The following HCAR2 variants were observed in gnomAD, a reference collection of about 807,000 sequenced individuals.
HCAR2 encodes the protein hydroxycarboxylic acid receptor 2.
For missense variants in HCAR2, 346 were observed against 476.6 expected (o/e 0.73, Z 2.55); for synonymous variants, 156 against 189.4 (o/e 0.82, Z 1.45).
At position 122,702,560 on chromosome 12, in the gene HCAR2, T is replaced by C. The variant is rs1284981613; in HGVS notation, c.724A>G (p.Ile242Val). The change falls in exon 1 of 1, where the codon ATC becomes GTC. Residue 242 changes from isoleucine (I) to valine (V), a missense_variant. Ile to Val is a conservative substitution (Grantham distance 29). Transcript: ENST00000328880. Reference protein sequence around the residue: ...FIMVVAIVFVICFLPSVVVRI... With the variant: ...FIMVVAIVFVVCFLPSVVVRI... The stretch of plus-strand genomic sequence containing the variant: ...ACAACCACGCTGGGAAGGAAGCAGA[T>C]GACAAAGACGATGGCCACCACCATG... The C allele has an allele frequency of 1.9e-6, 3 of 1,614,188 alleles. No individual in the cohort carries two copies. Among genetic ancestry groups the C allele is most frequent in the Admixed American group, 1.7e-5 (1 of 60,012 alleles).
Position 122,701,631 on chromosome 12 carries a change from C to A in HCAR2, c.*561G>T, listed in dbSNP as rs555718018. ...CCGGAAACACAGATATTAACCAAAG[C>A]GTGTGAGTCTCTTCCCTGAGTCCAT... On this transcript the variant is annotated 3_prime_UTR_variant, in exon 1 of 1. Coordinates refer to ENST00000328880, the MANE Select transcript of HCAR2 (RefSeq NM_177551.4). 35 of 168,676 alleles carry A rather than the reference C, an allele frequency of 2.1e-4. No homozygotes were observed. In the South Asian group the frequency reaches 3.6e-3, roughly 17 times the overall value. 10.4% of individuals were successfully genotyped at this position (168,676 alleles called of 1,614,324 possible).
chr12:122,702,322 G>C lies in HCAR2; in HGVS notation c.962C>G (p.Pro321Arg). 1 of 1,614,166 alleles carries C rather than the reference G, an allele frequency of 6.2e-7. No homozygotes were observed. The highest frequency in any genetic ancestry group is 8.5e-7 in the Non-Finnish European group (1 of 1,180,014). Residue 321 changes from proline to arginine, a missense_variant, in exon 1 of 1, where the codon CCA (proline) becomes CGA (arginine). Pro to Arg is a moderately radical substitution (Grantham distance 103, BLOSUM62 -2). Coordinates refer to ENST00000328880, the MANE Select transcript of HCAR2 (RefSeq NM_177551.4). Reference protein sequence around the residue: ...RCLQRKMTGEPDNNRSTSVEL... With the variant: ...RCLQRKMTGERDNNRSTSVEL... ...GACGCTCGTGCTGCGGTTATTATCT[G>C]GCTCACCTGTCATCTTCCTCTGGAG...
At position 122,702,426 on chromosome 12, in the gene HCAR2, G is replaced by C; in HGVS notation, c.858C>G (p.Asn286Lys). 2 of 1,614,154 alleles carry C rather than the reference G, an allele frequency of 1.2e-6. No homozygotes were observed. The highest frequency in any genetic ancestry group is 1.7e-6 in the Non-Finnish European group (2 of 1,180,008). The change falls in exon 1 of 1, where the codon AAC (asparagine) becomes AAG (lysine). Residue 286 changes from asparagine (N) to lysine (K), a missense_variant. Physicochemically the swap from Asn to Lys is moderately conservative, Grantham distance 94. Transcript: ENST00000328880. ...FFITLSFTYMNSMLDPVVYYF... is the reference protein window; with the variant it reads ...FFITLSFTYMKSMLDPVVYYF... ...AGTACACCACGGGGTCCAGCATGCT[G>C]TTCATGTAGGTGAAGCTGAGAGTGA...
rs776282008 is a variant in HCAR2 at position 122,703,035 on chromosome 12, C to A, written c.249G>T (p.Leu83=). ...CCCAACGCCTCACATAGTTGTCCAT[C>A]AGGAAGGGCAGGCAGATGATCAGTA... is the stretch of plus-strand genomic sequence containing the variant. The part of the protein sequence containing the change: ...DFLLIICLPF[L]MDNYVRRWDW... Residue 83 remains leucine (L), a synonymous_variant, in exon 1 of 1, where the codon CTG becomes CTT. Transcript: ENST00000328880. 1.9e-6 allele frequency: 3 copies of A among 1,614,084 alleles called. No homozygotes were observed. The South Asian group carries it at 3.3e-5, about 18-fold the overall frequency.
At position 122,702,148 on chromosome 12, in the gene HCAR2, A is replaced by G. The variant is rs1877089854; in HGVS notation, c.*44T>C. The stretch of plus-strand genomic sequence containing the variant: ...TGCAACAGCCCAACTGTTTCTCCAG[A>G]GATCCTGGTTCTTGGTGACAATGTC... On this transcript the variant is annotated 3_prime_UTR_variant, in exon 1 of 1. Coordinates refer to ENST00000328880, the MANE Select transcript of HCAR2 (RefSeq NM_177551.4). 16 of 1,613,128 alleles carry G rather than the reference A, an allele frequency of 9.9e-6. No homozygotes were observed. Among genetic ancestry groups the G allele is most frequent in the Admixed American group, 1.7e-5 (1 of 59,722 alleles).
Position 122,702,723 on chromosome 12 carries a change from C to T in HCAR2, c.561G>A (p.Gln187=). 1 of 1,614,184 alleles carries T rather than the reference C, an allele frequency of 6.2e-7. No homozygotes were observed. The highest frequency in any genetic ancestry group is 8.5e-7 in the Non-Finnish European group (1 of 1,180,028). Reference sequence around the variant, plus strand: ...CCAGGAGGAACATGGCTTCGTGCCACTGGAAGGTATGGCAGATGCTGAAGC... The same window carrying T: ...CCAGGAGGAACATGGCTTCGTGCCATTGGAAGGTATGGCAGATGCTGAAGC... ...CSSFSICHTF[Q]WHEAMFLLEF... The change falls in exon 1 of 1, where the codon CAG becomes CAA. Residue 187 remains glutamine, a synonymous_variant. Transcript: ENST00000328880.
rs767086046 is a variant in HCAR2, at chr12:122,702,136, C to T, written c.*56G>A. 2.4e-5 allele frequency: 38 copies of T among 1,611,872 alleles called. No individual in the cohort carries two copies. The highest frequency in any genetic ancestry group is 3.1e-5 in the Non-Finnish European group (36 of 1,179,318). ...GACATTACTCGATGCAACAGCCCAA[C>T]TGTTTCTCCAGAGATCCTGGTTCTT... On this transcript the variant is annotated 3_prime_UTR_variant, in exon 1 of 1. Transcript: ENST00000328880.
At position 122,702,901 on chromosome 12, in the gene HCAR2, C is replaced by T. The variant is rs200534953; in HGVS notation, c.383G>A (p.Arg128Gln). The change falls in exon 1 of 1, where the codon CGG (arginine) becomes CAG (glutamine). Residue 128 changes from arginine (R) to glutamine (Q), a missense_variant. Coordinates refer to ENST00000328880, the MANE Select transcript of HCAR2 (RefSeq NM_177551.4). ...CAGGGCGTGGTGGGGATGGACCACCCGGAAATACCTGTCTACCGCCACCAC... is the reference window on the plus strand; with the variant it reads ...CAGGGCGTGGTGGGGATGGACCACCTGGAAATACCTGTCTACCGCCACCAC... ...LTVVAVDRYF[R>Q]VVHPHHALNK... is the part of the protein sequence containing the mutation. 9.3e-6 allele frequency: 15 copies of T among 1,613,982 alleles called. No individual in the cohort carries two copies. Among genetic ancestry groups the T allele is most frequent in the East Asian group, 4.5e-5 (2 of 44,898 alleles).
rs905464270 is a variant in HCAR2, at chr12:122,703,018, C to T, written c.266G>A (p.Arg89Lys). 6.2e-7 allele frequency: 1 copy of T among 1,614,008 alleles called. No individual in the cohort carries two copies. Among genetic ancestry groups the T allele is most frequent in the Non-Finnish European group, 8.5e-7 (1 of 1,180,048 alleles). The change falls in exon 1 of 1, where the codon AGG becomes AAG. Residue 89 changes from arginine to lysine, a missense_variant. Coordinates refer to ENST00000328880, the MANE Select transcript of HCAR2 (RefSeq NM_177551.4). The stretch of plus-strand genomic sequence containing the variant: ...GTCCCCAAACTTCCAGTCCCAACGC[C>T]TCACATAGTTGTCCATCAGGAAGGG... ...CLPFLMDNYV[R>K]RWDWKFGDIP... is the part of the protein sequence containing the mutation.
rs579877 is a variant in HCAR2 at position 122,702,063 on chromosome 12, G to A, written c.*129C>T. ...TCATCTGCCACCGTTTCCCTAAATC[G>A]CATTCTCTGAATCTGGAAGTTCCAG... On this transcript the variant is annotated 3_prime_UTR_variant, in exon 1 of 1. Transcript: ENST00000328880. 0.15 allele frequency: 193,355 copies of A among 1,322,358 alleles called. 18,896 individuals carry two copies. Among genetic ancestry groups the A allele is most frequent in the East Asian group, 0.5 (19,572 of 39,360 alleles). The allele number at this position is 1,322,358 out of a possible 1,614,324, so 81.9% of individuals were successfully genotyped here.
chr12:122,703,095 C>A lies in HCAR2; in HGVS notation c.189G>T (p.Arg63=), dbSNP rs1177164381. 5 of 1,614,050 alleles carry A rather than the reference C, an allele frequency of 3.1e-6. No homozygotes were observed. The African/African-American group carries it at 4.0e-5, about 13-fold the overall frequency. ...CCACTGCCAGGTTGAACAGGAAAAT[C>A]CGGCTGGATTTCCAGGACTTGAGGT... ...CFHLKSWKSS[R]IFLFNLAVAD... is the part of the protein sequence containing the mutation. Residue 63 remains arginine (R), a synonymous_variant, in exon 1 of 1, where the codon CGG becomes CGT. Coordinates refer to ENST00000328880, the MANE Select transcript of HCAR2 (RefSeq NM_177551.4).
Position 122,702,142 on chromosome 12 carries a change from C to T in HCAR2, c.*50G>A. 1 of 1,612,910 alleles carries T rather than the reference C, an allele frequency of 6.2e-7. No individual in the cohort carries two copies. Among genetic ancestry groups the T allele is most frequent in the Non-Finnish European group, 8.5e-7 (1 of 1,179,630 alleles). On this transcript the variant is annotated 3_prime_UTR_variant, in exon 1 of 1. Transcript: ENST00000328880. ...ACTCGATGCAACAGCCCAACTGTTTCTCCAGAGATCCTGGTTCTTGGTGAC... is the reference window on the plus strand; with the variant it reads ...ACTCGATGCAACAGCCCAACTGTTTTTCCAGAGATCCTGGTTCTTGGTGAC...
Position 122,701,990 on chromosome 12 carries a change from C to G in HCAR2, c.*202G>C. 6 of 1,005,986 alleles carry G rather than the reference C, an allele frequency of 6.0e-6. No homozygotes were observed. The highest frequency in any genetic ancestry group is 8.9e-6 in the Non-Finnish European group (6 of 676,786). 62.3% of individuals were successfully genotyped at this position (1,005,986 alleles called of 1,614,324 possible). The stretch of plus-strand genomic sequence containing the variant: ...TTCAGATGCCTAGAAGCTTTACTCT[C>G]TATTCCTCCAGGATTCCTGCGGTCA... On this transcript the variant is annotated 3_prime_UTR_variant, in exon 1 of 1. Transcript: ENST00000328880.
In HCAR2 at chr12:122,702,918, C is replaced by T. The variant is rs375811004; in HGVS notation, c.366G>A (p.Ala122=). 1.4e-5 allele frequency: 22 copies of T among 1,613,912 alleles called. No homozygotes were observed. Among genetic ancestry groups the T allele is most frequent in the Middle Eastern group, 1.6e-4 (1 of 6,084 alleles). ...QGSIIFLTVV[A]VDRYFRVVHP... ...GGACCACCCGGAAATACCTGTCTAC[C>T]GCCACCACCGTGAGGAAGATGATGC... Residue 122 remains alanine, a synonymous_variant, in exon 1 of 1, where the codon GCG becomes GCA. Transcript: ENST00000328880.
chr12:122,702,840 A>T lies in HCAR2; in HGVS notation c.444T>A (p.Ser148=), dbSNP rs1877118812. 2.5e-6 allele frequency: 4 copies of T among 1,614,068 alleles called. No individual in the cohort carries two copies. In the African/African-American group the frequency reaches 5.3e-5, roughly 22 times the overall value. The change falls in exon 1 of 1, where the codon TCT becomes TCA. Residue 148 remains serine, a synonymous_variant. Coordinates refer to ENST00000328880, the MANE Select transcript of HCAR2 (RefSeq NM_177551.4). ...CAATAGTGATGCCCCACAGAAGGCA[A>T]GAGATGATGGCTGCTGTCCGATTGG... ...KISNRTAAII[S]CLLWGITIGL...
rs1877119711 is a variant in HCAR2, at chr12:122,702,870, C to G, written c.414G>C (p.Lys138Asn). The G allele has an allele frequency of 2.5e-6, 4 of 1,614,158 alleles. No individual in the cohort carries two copies. Among genetic ancestry groups the G allele is most frequent in the Non-Finnish European group, 3.4e-6 (4 of 1,180,012 alleles). The change falls in exon 1 of 1, where the codon AAG becomes AAC. Residue 138 changes from lysine (K) to asparagine (N), a missense_variant. Transcript: ENST00000328880. ...TGATGGCTGCTGTCCGATTGGAGATCTTGTTCAGGGCGTGGTGGGGATGGA... is the reference window on the plus strand; with the variant it reads ...TGATGGCTGCTGTCCGATTGGAGATGTTGTTCAGGGCGTGGTGGGGATGGA... Reference protein sequence around the residue: ...RVVHPHHALNKISNRTAAIIS... With the variant: ...RVVHPHHALNNISNRTAAIIS...
rs758948878 is a variant in HCAR2, at chr12:122,703,273, T to C, written c.11A>G (p.His4Arg). The C allele has an allele frequency of 8.7e-6, 14 of 1,613,844 alleles. No individual in the cohort carries two copies. In the Middle Eastern group the frequency reaches 1.3e-3, roughly 152 times the overall value. ...TTCCAGAAAGTGATCCTGCAGATGG[T>C]GCCGATTCATGAGTGCGGCTAGTGA... Reference protein sequence around the residue: MNRHHLQDHFLEID... With the variant: MNRRHLQDHFLEID... The change falls in exon 1 of 1, where the codon CAC becomes CGC. Residue 4 changes from histidine to arginine, a missense_variant. Coordinates refer to ENST00000328880, the MANE Select transcript of HCAR2 (RefSeq NM_177551.4).
chr12:122,702,310 C>A lies in HCAR2; in HGVS notation c.974G>T (p.Arg325Leu), dbSNP rs375858825. Residue 325 changes from arginine to leucine, a missense_variant, in exon 1 of 1, where the codon CGC becomes CTC. Physicochemically the swap from Arg to Leu is moderately radical, Grantham distance 102. Coordinates refer to ENST00000328880, the MANE Select transcript of HCAR2 (RefSeq NM_177551.4). ...RKMTGEPDNNRSTSVELTGDP... is the reference protein window; with the variant it reads ...RKMTGEPDNNLSTSVELTGDP... Reference sequence around the variant, plus strand: ...CCCTGTGAGCTCGACGCTCGTGCTGCGGTTATTATCTGGCTCACCTGTCAT... The same window carrying A: ...CCCTGTGAGCTCGACGCTCGTGCTGAGGTTATTATCTGGCTCACCTGTCAT... The A allele has an allele frequency of 5.6e-6, 9 of 1,614,108 alleles. No individual in the cohort carries two copies. Among genetic ancestry groups the A allele is most frequent in the Non-Finnish European group, 6.8e-6 (8 of 1,179,974 alleles).
At position 122,702,675 on chromosome 12, in the gene HCAR2, G is replaced by A; in HGVS notation, c.609C>T (p.Ile203=). ...TAATTCTGGCTGAGCAGAACAGGAT[G>A]ATGCCCAGGGGCAGGAAGAACTCCA... ...FLLEFFLPLG[I]ILFCSARIIW... is the part of the protein sequence containing the mutation. Residue 203 remains isoleucine (I), a synonymous_variant, in exon 1 of 1, where the codon ATC becomes ATT. Coordinates refer to ENST00000328880, the MANE Select transcript of HCAR2 (RefSeq NM_177551.4). 6.2e-7 allele frequency: 1 copy of A among 1,614,220 alleles called. No homozygotes were observed. Among genetic ancestry groups the A allele is most frequent in the East Asian group, 2.2e-5 (1 of 44,886 alleles).
Sources: gnomAD v4.1 joint callset for allele counts on GRCh38, gnomAD v4.1.1 for gene constraint, MANE v1.5 for transcripts, NCBI Gene and HGNC (gene_info 2026-07-23, HGNC 2026-07-21) for gene names.